Variants in SYT1 observed in about 807,000 individuals in gnomAD.
SYT1 encodes the protein synaptotagmin 1.
SYT1 carries 8 observed loss-of-function variants against 44.8 expected under a neutral mutation model. The ratio of observed to expected loss-of-function variants is 0.18; its 90% CI spans 0.10 to 0.32. The LOEUF is 0.32. Among genes scored for constraint, SYT1 ranks in the 10% least tolerant of loss-of-function variants. The pLI, the probability that SYT1 is intolerant of heterozygous loss-of-function variation, is 1.00. For synonymous variants in SYT1, 154 were observed against 188.8 expected (o/e 0.82, Z 1.51); for missense variants, 286 against 509.3 (o/e 0.56, Z 4.22).
rs1489107422 is a variant in SYT1, at chr12:79,299,405, G to A, written c.664G>A (p.Gly222Ser). 1 of 1,613,178 alleles carries A rather than the reference G, an allele frequency of 6.2e-7. No individual in the cohort carries two copies. The highest frequency in any genetic ancestry group is 1.7e-5 in the Admixed American group (1 of 59,926). Residue 222 changes from glycine to serine, a missense_variant, in exon 8 of 11, where the codon GGC becomes AGC. Physicochemically the swap from Gly to Ser is moderately conservative, Grantham distance 56. This residue lies in a region of SYT1 where 81 missense variants were observed against 164.9 expected (regional missense o/e 0.49). Transcript: ENST00000261205. ...TTAGGTACCATACTCGGAATTGGGTGGCAAAACCCTAGTGATGGCTGTATA... is the reference window on the plus strand; with the variant it reads ...TTAGGTACCATACTCGGAATTGGGTAGCAAAACCCTAGTGATGGCTGTATA... ...TFKVPYSELG[G>S]KTLVMAVYDF...
intron 4 of SYT1, among the ~76,000 whole-genome samples, chr12:79,236,547 A>G (rs1267221572): frequency 6.6e-6 from 1 of 152,204 alleles, no homozygotes; most frequent in Non-Finnish European, 1.5e-5. Flanking sequence ...CCTGCTGAAT[A>G]CCAGTATTAC....
intron 8 of SYT1, among the ~76,000 whole-genome samples, chr12:79,313,668 G>T (rs1214359889): frequency 6.6e-6 from 1 of 150,974 alleles, no homozygotes; most frequent in Non-Finnish European, 1.5e-5. Context: ...AATTAATGGT[G>T]AGACAGAACT....
chr12:79,016,386 C>A (rs1409103029), intron 2 of SYT1, among the ~76,000 whole-genome samples: 1 of 152,098 alleles, frequency 6.6e-6, no homozygotes, highest in Non-Finnish European at 1.5e-5. Context: ...TCACATGGTT[C>A]CTGTTTAAAC....
chr12:79,449,000 A>G lies in SYT1; in HGVS notation c.1145A>G (p.Asn382Ser). Residue 382 changes from asparagine to serine, a missense_variant, in exon 11 of 11, where the codon AAC (asparagine) becomes AGC (serine). Transcript: ENST00000261205. Reference sequence around the variant, plus strand: ...ATCGGCAAAGTCTTTGTGGGCTACAACAGCACCGGCGCGGAGCTGCGACAC... The same window carrying G: ...ATCGGCAAAGTCTTTGTGGGCTACAGCAGCACCGGCGCGGAGCTGCGACAC... Reference protein sequence around the residue: ...DAIGKVFVGYNSTGAELRHWS... With the variant: ...DAIGKVFVGYSSTGAELRHWS... 1 of 1,614,218 alleles carries G rather than the reference A, an allele frequency of 6.2e-7. No homozygotes were observed. The highest frequency in any genetic ancestry group is 1.1e-5 in the South Asian group (1 of 91,090).
intron 1 of SYT1, among the ~76,000 whole-genome samples, chr12:78,867,719 T>C (rs1873616561): frequency 6.6e-6 from 1 of 152,046 alleles, no homozygotes; most frequent in South Asian, 2.1e-4. Context: ...CTGAGTAGTT[T>C]TGAACTTCAT....
At chr12:79,331,319 G>C (rs959706814) in intron 8 of SYT1, among the ~76,000 whole-genome samples, 5 of 152,184 alleles carry the variant, frequency 3.3e-5, no homozygotes, top group African/African-American at 1.2e-4. Flanking sequence ...GCTTGCAAAA[G>C]TGGTCATATA....
intron 9 of SYT1, among the ~76,000 whole-genome samples, chr12:79,415,455 C>T (rs1868675070): frequency 6.6e-6 from 1 of 152,146 alleles, no homozygotes; most frequent in Non-Finnish European, 1.5e-5. Context: ...ATCAATTGTT[C>T]ATATCAAAGA....
In SYT1 at chr12:79,349,057, G is replaced by GAAAGAAAT. The variant is rs1565920012; in HGVS notation, c.811-4445_811-4444insAAAGAAAT. Among the ~76,000 whole-genome samples the GAAAGAAAT allele has an allele frequency of 6.7e-5, 9 of 134,992 alleles. No homozygotes were observed. The South Asian group carries it at 1.6e-3, about 25-fold the overall frequency. 88.6% of individuals were successfully genotyped at this position (134,992 alleles called of 152,430 possible). A position where few individuals can be genotyped will look rare whatever the true frequency, so the allele number is the denominator to read the frequency against. On this transcript the variant is annotated intron_variant, in intron 8 of 10. Coordinates refer to ENST00000261205, the MANE Select transcript of SYT1 (RefSeq NM_005639.3). ...AAAAAGAAAGAAAGAAAGAAAGAAAGGAGGGAGGGAGGGAGGGAGGGAAGG... is the reference window on the plus strand; with the variant it reads ...AAAAAGAAAGAAAGAAAGAAAGAAAGAAAGAAATGAGGGAGGGAGGGAGGGAGGGAAGG...
At chr12:79,327,024 GA>G (rs1881637614) in intron 8 of SYT1, among the ~76,000 whole-genome samples, 1 of 152,016 alleles carries the variant, frequency 6.6e-6, no homozygotes, top group Admixed American at 6.6e-5. Flanking sequence ...CAAATTATAA[GA>G]AAAATGGAGA....
intron 3 of SYT1, among the ~76,000 whole-genome samples, chr12:79,083,370 C>T (rs1334965720): frequency 6.6e-6 from 1 of 152,092 alleles, no homozygotes; most frequent in East Asian, 1.9e-4. Context: ...GGCTTATGAG[C>T]TATGACTCAG....
chr12:78,962,605 C>T (rs1427093517), intron 1 of SYT1, among the ~76,000 whole-genome samples: 6 of 151,736 alleles, frequency 4.0e-5, no homozygotes, highest in African/African-American at 9.7e-5. Flanking sequence ...GAGAGGTTGG[C>T]CTGTGTGTAT....
chr12:79,254,947 G>A (rs969524569), intron 4 of SYT1, among the ~76,000 whole-genome samples: 5 of 152,200 alleles, frequency 3.3e-5, no homozygotes, highest in African/African-American at 9.6e-5. Flanking sequence ...GGTTCCTTGA[G>A]ATGGCATTTA....
intron 3 of SYT1, among the ~76,000 whole-genome samples, chr12:79,089,967 A>G (rs1877657128): frequency 6.6e-6 from 1 of 152,076 alleles, no homozygotes; most frequent in Non-Finnish European, 1.5e-5. Flanking sequence ...TTATTCCAAC[A>G]ACAACTATGT....
rs547605300 is a variant in SYT1, at chr12:79,160,060, T to C, written c.-17-57443T>C. On this transcript the variant is annotated intron_variant, in intron 3 of 10. Coordinates refer to ENST00000261205, the MANE Select transcript of SYT1 (RefSeq NM_005639.3). ...AGATGTTGAGAATAAATGGCGGTTG[T>C]GATTGAAGGGAAGAAATGATCATGT... is the stretch of plus-strand genomic sequence containing the variant. Among the ~76,000 whole-genome samples, 390 of 152,208 alleles carry C rather than the reference T, an allele frequency of 2.6e-3. 4 individuals carry two copies. Among genetic ancestry groups the C allele is most frequent in the African/African-American group, 9.0e-3 (375 of 41,558 alleles).
intron 3 of SYT1, among the ~76,000 whole-genome samples, chr12:79,153,441 G>A (rs1483673499): frequency 2.6e-5 from 4 of 152,076 alleles, no homozygotes; most frequent in African/African-American, 9.7e-5. Context: ...AATTTTGATG[G>A]TTTATTGGCT....
chr12:79,296,205 A>G lies in SYT1; in HGVS notation c.611A>G (p.Asn204Ser). ...FETKVHRKTL[N>S]PVFNEQFTFK... is the part of the protein sequence containing the mutation. ...ACAAAAGTCCACCGAAAAACCCTTA[A>G]TCCTGTCTTCAATGAGCAATTTACT... The change falls in exon 7 of 11, where the codon AAT (asparagine) becomes AGT (serine). Residue 204 changes from asparagine (N) to serine (S), a missense_variant. Around this residue, in one of 6 missense-constraint regions of SYT1, gnomAD observed 81 missense variants for 164.9 expected, o/e 0.49. Transcript: ENST00000261205. 1 of 1,613,316 alleles carries G rather than the reference A, an allele frequency of 6.2e-7. No individual in the cohort carries two copies. The highest frequency in any genetic ancestry group is 8.5e-7 in the Non-Finnish European group (1 of 1,179,756).
chr12:79,343,869 G>A (rs1882485290), intron 8 of SYT1, among the ~76,000 whole-genome samples: 2 of 152,142 alleles, frequency 1.3e-5, no homozygotes, highest in African/African-American at 4.8e-5. Flanking sequence ...CTGCAATGAA[G>A]ATAACTAAAG....
At chr12:78,904,342 G>T (rs1875836107) in intron 1 of SYT1, among the ~76,000 whole-genome samples, 2 of 152,218 alleles carry the variant, frequency 1.3e-5, no homozygotes, top group African/African-American at 2.4e-5. Context: ...TAGATACATT[G>T]AAGAGAGACA....
intron 3 of SYT1, among the ~76,000 whole-genome samples, chr12:79,214,326 G>T (rs1347991650): frequency 6.6e-6 from 1 of 151,938 alleles, no homozygotes; most frequent in Non-Finnish European, 1.5e-5. Flanking sequence ...AAAGCTTATA[G>T]CTCTTACTTT....
Sources: gnomAD v4.1 joint callset for allele counts (sites outside exome capture counted in the v4.1 genomes callset) on GRCh38, gnomAD v4.1.1 for gene constraint, gnomAD v4.1.1 regional missense constraint, MANE v1.5 for transcripts, NCBI Gene and HGNC (gene_info 2026-07-23, HGNC 2026-07-21) for gene names.